Variants in ZMIZ1 observed in about 807,000 individuals in gnomAD.
ZMIZ1 encodes zinc finger MIZ-type containing 1.
ZMIZ1 carries 17 observed loss-of-function variants against 113.9 expected under a neutral mutation model. The ratio of observed to expected loss-of-function variants is 0.15; its 90% CI spans 0.10 to 0.22. The LOEUF (loss-of-function observed/expected upper bound fraction) is 0.22, where lower values mean the gene tolerates loss of function less well. Among genes scored for constraint, ZMIZ1 ranks in the 10% least tolerant of loss-of-function variants. The pLI is 1.00. For missense variants in ZMIZ1, 1,059 were observed against 1,477.8 expected (o/e 0.72, Z 4.65); for synonymous variants, 607 against 603.1 (o/e 1.01, Z -0.09).
At chr10:79,295,588 C>G (rs976696741) in intron 12 of ZMIZ1, 6 of 152,234 alleles carry the variant, frequency 3.9e-5, no homozygotes, top group African/African-American at 1.4e-4. Context: ...TGGTGGGTGC[C>G]TCACTGTCAC....
chr10:79,101,739 G>A (rs947289849), intron 1 of ZMIZ1, among the ~76,000 whole-genome samples: 5 of 152,330 alleles, frequency 3.3e-5, no homozygotes, highest in African/African-American at 1.2e-4. Flanking sequence ...CCTGGCAGGT[G>A]CGTTCCATCA....
intron 7 of ZMIZ1, among the ~76,000 whole-genome samples, chr10:79,237,008 A>G (rs1380493334): frequency 6.6e-6 from 1 of 152,222 alleles, no homozygotes; most frequent in East Asian, 1.9e-4. Context: ...GGCATGTCAG[A>G]GGGGGCTGAG....
chr10:79,287,867 G>C (rs1459309091), intron 8 of ZMIZ1, among the ~76,000 whole-genome samples: 1 of 152,204 alleles, frequency 6.6e-6, no homozygotes, highest in African/African-American at 2.4e-5. Context: ...CCGTCACAGA[G>C]CTGTTCTAGA....
At chr10:79,084,285 G>A (rs1842741640) in intron 1 of ZMIZ1, among the ~76,000 whole-genome samples, 1 of 152,232 alleles carries the variant, frequency 6.6e-6, no homozygotes, top group Non-Finnish European at 1.5e-5. Flanking sequence ...TATTGCAAGG[G>A]ATCAACTGCG....
intron 8 of ZMIZ1, among the ~76,000 whole-genome samples, chr10:79,282,310 G>T (rs1447774477): frequency 3.3e-5 from 5 of 152,176 alleles, no homozygotes; most frequent in African/African-American, 1.2e-4. Context: ...TCATTAAGGC[G>T]ACATTGAGCT....
intron 7 of ZMIZ1, among the ~76,000 whole-genome samples, chr10:79,242,605 C>T (rs1481312882): frequency 4.6e-5 from 7 of 151,466 alleles, no homozygotes; most frequent in Admixed American, 2.6e-4. Flanking sequence ...CCCTCCTCCA[C>T]CCCCTCCCCG....
chr10:79,112,075 G>C (rs921602209), intron 1 of ZMIZ1, among the ~76,000 whole-genome samples: 1 of 152,210 alleles, frequency 6.6e-6, no homozygotes, highest in Non-Finnish European at 1.5e-5. Context: ...GAGGGTGTGA[G>C]AGACTTCTAG....
At chr10:79,200,332 G>A (rs1295145041) in intron 4 of ZMIZ1, among the ~76,000 whole-genome samples, 1 of 152,214 alleles carries the variant, frequency 6.6e-6, no homozygotes, top group African/African-American at 2.4e-5. Flanking sequence ...GTGGACTAGG[G>A]CTGTACAGTC....
intron 7 of ZMIZ1, among the ~76,000 whole-genome samples, chr10:79,247,936 C>G (rs1850305755): frequency 6.6e-6 from 1 of 152,212 alleles, no homozygotes; most frequent in Non-Finnish European, 1.5e-5. Flanking sequence ...CACTTCCCCT[C>G]TGGGGGCCTG....
At chr10:79,268,461 C>T (rs1271691937) in intron 7 of ZMIZ1, among the ~76,000 whole-genome samples, 6 of 152,242 alleles carry the variant, frequency 3.9e-5, no homozygotes, top group Non-Finnish European at 8.8e-5. Flanking sequence ...ACAGATGCTG[C>T]TCCAGTTGTC....
At chr10:79,265,796 C>T (rs1397430372) in intron 7 of ZMIZ1, among the ~76,000 whole-genome samples, 1 of 152,202 alleles carries the variant, frequency 6.6e-6, no homozygotes, top group South Asian at 2.1e-4. Context: ...GTGCTCCCCA[C>T]CCATCCACTC....
rs1038907182 is a variant in ZMIZ1 at position 79,293,454 on chromosome 10, G to C, written c.1031G>C (p.Gly344Ala). The C allele has an allele frequency of 6.5e-7, 1 of 1,549,786 alleles. No individual in the cohort carries two copies. The highest frequency in any genetic ancestry group is 1.4e-5 in the African/African-American group (1 of 73,096). The change falls in exon 12 of 25, where the codon GGC becomes GCC. Residue 344 changes from glycine (G) to alanine (A), a missense_variant. This residue lies in a region of ZMIZ1 where 83 missense variants were observed against 103.7 expected (regional missense o/e 0.80). Transcript: ENST00000334512. ...CCGCGGGGGCCTGCCTCCATGGGGG[G>C]CAGCATGAACCCCGCGAGCATGGCG... is the stretch of plus-strand genomic sequence containing the variant. ...PGPRGPASMG[G>A]SMNPASMAAG... is the part of the protein sequence containing the mutation.
Position 79,296,820 on chromosome 10 carries a change from A to G in ZMIZ1, c.1413+167A>G. On this transcript the variant is annotated intron_variant, in intron 13 of 24. Transcript: ENST00000334512. This position sits in a 1 kb window ranked among gnomAD's most constrained non-coding sequence, Gnocchi z 4.1. The stretch of plus-strand genomic sequence containing the variant: ...GTGTTCAGGGCGAAGTTCGGTGGCC[A>G]GAATGTCAGAGTGGCTTTTCTCAGT... 2.0e-6 allele frequency: 1 copy of G among 507,814 alleles called. No homozygotes were observed. Among genetic ancestry groups the G allele is most frequent in the Non-Finnish European group, 3.3e-6 (1 of 305,778 alleles). 31.5% of individuals were successfully genotyped at this position (507,814 alleles called of 1,614,324 possible). A position where few individuals can be genotyped will look rare whatever the true frequency, so the allele number is the denominator to read the frequency against.
At chr10:79,113,413 A>G (rs1251462596) in intron 1 of ZMIZ1, among the ~76,000 whole-genome samples, 2 of 152,182 alleles carry the variant, frequency 1.3e-5, no homozygotes, top group African/African-American at 4.8e-5. Flanking sequence ...CTGCCCGGGC[A>G]GCTAGGGTGA....
At chr10:79,157,578 G>A (rs1309026640) in intron 3 of ZMIZ1, among the ~76,000 whole-genome samples, 1 of 152,072 alleles carries the variant, frequency 6.6e-6, no homozygotes, top group East Asian at 1.9e-4. Context: ...CTCCTCTGGT[G>A]GGTGCATGGC....
intron 7 of ZMIZ1, among the ~76,000 whole-genome samples, chr10:79,234,137 A>T (rs530762761): frequency 1.3e-5 from 2 of 152,172 alleles, no homozygotes; most frequent in African/African-American, 4.8e-5. Flanking sequence ...AAGGGATGAC[A>T]TGGTCAGATT....
At chr10:79,106,852 T>G (rs981382461) in intron 1 of ZMIZ1, among the ~76,000 whole-genome samples, 3 of 152,358 alleles carry the variant, frequency 2.0e-5, no homozygotes, top group African/African-American at 7.2e-5. Flanking sequence ...ACAGGCATCG[T>G]GCAGGTGGCC....
intron 1 of ZMIZ1, among the ~76,000 whole-genome samples, chr10:79,106,663 C>G (rs1208227599): frequency 2.0e-5 from 3 of 152,244 alleles, no homozygotes; most frequent in Non-Finnish European, 4.4e-5. Flanking sequence ...CCTGGAGGGT[C>G]AACACTCAGC....
At position 79,186,707 on chromosome 10, in the gene ZMIZ1, G is replaced by A. The variant is rs146075672; in HGVS notation, c.-49-14877G>A. Among the ~76,000 whole-genome samples, 10 of 152,322 alleles carry A rather than the reference G, an allele frequency of 6.6e-5. No homozygotes were observed. In the East Asian group the frequency reaches 1.4e-3, roughly 21 times the overall value. On this transcript the variant is annotated intron_variant, in intron 4 of 24. Transcript: ENST00000334512. ...CTTTGGAATTTTCAAAAGAATGAGC[G>A]TGAGCAGGGAATCACTTAAGGCAGC...
Sources: gnomAD v4.1 joint callset for allele counts (sites outside exome capture counted in the v4.1 genomes callset) on GRCh38, gnomAD v4.1.1 for gene constraint, gnomAD v4.1.1 regional missense constraint, Gnocchi (gnomAD v3.1) non-coding constraint, MANE v1.5 for transcripts, NCBI Gene and HGNC (gene_info 2026-07-23, HGNC 2026-07-21) for gene names.